Variants in SPATA1 observed in about 807,000 individuals in gnomAD.
SPATA1 encodes the protein spermatogenesis-associated protein 1.
A neutral mutation model predicts 59.6 loss-of-function variants in SPATA1; 57 were observed. The ratio of observed to expected loss-of-function variants is 0.96; its 90% CI spans 0.77 to 1.19. SPATA1 has a LOEUF of 1.19. SPATA1 is among the 50% of genes most tolerant of loss of function. The pLI is 0.00. For missense variants in SPATA1, 448 were observed against 480.7 expected (o/e 0.93, Z 0.64); for synonymous variants, 147 against 163.9 (o/e 0.90, Z 0.79).
chr1:84,516,364 C>A lies in SPATA1; in HGVS notation c.5C>A (p.Ser2Ter). The change falls in exon 2 of 13, where the codon TCA becomes TAA. Residue 2 changes from serine (S) to a stop codon, truncating the protein, a stop_gained. Transcript: ENST00000490879. LOFTEE classifies it high-confidence loss of function. ...CCCATTCAGACATTAGTGAATATGT[C>A]ACTCAATCCAAGTCGACCTTCCTCA... The A allele has an allele frequency of 6.6e-7, 1 of 1,521,886 alleles. No individual in the cohort carries two copies. Among genetic ancestry groups the A allele is most frequent in the Non-Finnish European group, 8.8e-7 (1 of 1,140,988 alleles). 94.3% of individuals were successfully genotyped at this position (1,521,886 alleles called of 1,614,324 possible).
At chr1:84,556,710 CAAA>C (rs11417377), downstream of SPATA1, among the ~76,000 whole-genome samples, 4 of 93,484 alleles carry the variant, frequency 4.3e-5, no homozygotes, top group Admixed American at 1.2e-4. Context: ...GACTCCGTCT[CAAA>C]AAAAAAAAAA....
chr1:84,536,206 A>C (rs373291246), intron 8 of SPATA1, among the ~76,000 whole-genome samples: 7 of 152,232 alleles, frequency 4.6e-5, no homozygotes, highest in African/African-American at 1.7e-4. Flanking sequence ...ATATAACTTT[A>C]AATTGGCTCA....
intron 12 of SPATA1, chr1:84,551,543 ATTTAAT>A (rs1684273102): frequency 6.5e-6 from 1 of 154,710 alleles, no homozygotes; most frequent in Non-Finnish European, 1.4e-5. Context: ...TTTAAATTTT[ATTTAAT>A]TTTAGTTAAT....
intron 1 of SPATA1, among the ~76,000 whole-genome samples, chr1:84,507,782 A>G (rs1199196953): frequency 6.6e-6 from 1 of 152,098 alleles, no homozygotes; most frequent in African/African-American, 2.4e-5. Context: ...TTTAGGGAAT[A>G]TATGGTCCAA....
At chr1:84,537,157 C>G (rs757294278) in intron 8 of SPATA1, among the ~76,000 whole-genome samples, 21 of 151,956 alleles carry the variant, frequency 1.4e-4, no homozygotes, top group Admixed American at 5.9e-4. Context: ...AAATTACAGG[C>G]GTGAGCCACC....
chr1:84,553,970 A>G (rs1163363458), exon 13 of SPATA1: 1 of 152,174 alleles, frequency 6.6e-6, no homozygotes, highest in African/African-American at 2.4e-5. Context: ...CTAGTTGAGA[A>G]GCTAATCAGT....
Position 84,511,675 on chromosome 1 carries a change from C to CT in SPATA1, c.-137-4545dup, listed in dbSNP as rs1682560932. On this transcript the variant is annotated intron_variant, in intron 1 of 12. Coordinates refer to ENST00000490879, the Ensembl canonical transcript of SPATA1. ...TCAGGCTTTTTTTTTTTTTTTCTTT[C>CT]TTTCTTTTTTTTTTTTTTTTTTTGA... Among the ~76,000 whole-genome samples the CT allele has an allele frequency of 4.3e-3, 305 of 71,022 alleles. 16 individuals are homozygous for CT. The highest frequency in any genetic ancestry group is 0.02 in the Middle Eastern group (2 of 102). The allele number at this position is 71,022 out of a possible 152,430, so 46.6% of individuals were successfully genotyped here.
At chr1:84,518,237 T>C (rs1256947670) in intron 2 of SPATA1, among the ~76,000 whole-genome samples, 2 of 152,112 alleles carry the variant, frequency 1.3e-5, no homozygotes, top group East Asian at 1.9e-4. Flanking sequence ...ACCAAATGCA[T>C]TGTGTGATCC....
chr1:84,514,204 C>G (rs1205201801), intron 1 of SPATA1, among the ~76,000 whole-genome samples: 3 of 152,062 alleles, frequency 2.0e-5, no homozygotes, highest in Admixed American at 2.0e-4. Flanking sequence ...GCTCTTTTCC[C>G]AGGTCTAATC....
intron 8 of SPATA1, among the ~76,000 whole-genome samples, chr1:84,536,965 T>C (rs1683719324): frequency 6.6e-6 from 1 of 150,576 alleles, no homozygotes; most frequent in Admixed American, 6.6e-5. Flanking sequence ...CTGCAACCTC[T>C]GCCACCCAGG....
At chr1:84,545,653 A>G in exon 10 of SPATA1, 2 of 1,517,072 alleles carry the variant, frequency 1.3e-6, no homozygotes, top group Non-Finnish European at 1.8e-6. Flanking sequence ...TTATCAAACA[A>G]ATGAAACAAG....
Position 84,507,398 on chromosome 1 carries a change from G to A in SPATA1, c.-138+980G>A, listed in dbSNP as rs928772525. The A allele has an allele frequency of 1.3e-5, 2 of 152,190 alleles. 1 individual carries two copies. Among genetic ancestry groups the A allele is most frequent in the South Asian group, 4.1e-4 (2 of 4,828 alleles). The allele number at this position is 152,190 out of a possible 1,614,324, so 9.4% of individuals were successfully genotyped here. ...AATTCATACGGATGTAATGATTGGG[G>A]TTAAAACCAGGGTTTGAATTCTGGC... is the stretch of plus-strand genomic sequence containing the variant. On this transcript the variant is annotated intron_variant, in intron 1 of 12. Coordinates refer to ENST00000490879, the Ensembl canonical transcript of SPATA1.
At chr1:84,555,788 G>A (rs1230200195), downstream of SPATA1, 1 of 152,248 alleles carries the variant, frequency 6.6e-6, no homozygotes, top group Non-Finnish European at 1.5e-5. Context: ...TAATGCTAGG[G>A]CATATATTTG....
At chr1:84,548,066 G>C (rs543465859) in intron 10 of SPATA1, among the ~76,000 whole-genome samples, 1 of 152,236 alleles carries the variant, frequency 6.6e-6, no homozygotes, top group African/African-American at 2.4e-5. Flanking sequence ...CAGTAATACC[G>C]GTAGAAGTTG....
intron 9 of SPATA1, among the ~76,000 whole-genome samples, 186 bp from the exon 10 acceptor site, chr1:84,545,448 T>C (rs1157989211): frequency 6.6e-6 from 1 of 152,034 alleles, no homozygotes; most frequent in Non-Finnish European, 1.5e-5. Context: ...ATATCACTCT[T>C]GGAAACTGAA....
At chr1:84,512,534 T>G (rs1682614719) in intron 1 of SPATA1, among the ~76,000 whole-genome samples, 1 of 152,250 alleles carries the variant, frequency 6.6e-6, no homozygotes, top group Non-Finnish European at 1.5e-5. Context: ...AAATAAAAAT[T>G]ACGAGAATCC....
chr1:84,529,294 A>T (rs1683361697), intron 6 of SPATA1, among the ~76,000 whole-genome samples: 1 of 151,968 alleles, frequency 6.6e-6, no homozygotes, highest in Admixed American at 6.5e-5. Context: ...TCCAGTTTTT[A>T]AAAATTTTTA....
At chr1:84,520,790 AT>A in intron 3 of SPATA1, 99 bp downstream of exon 3, 2 of 806,308 alleles carry the variant, frequency 2.5e-6, no homozygotes, top group South Asian at 1.7e-5. Flanking sequence ...TAAGTGAAAA[AT>A]ATTTTGTCCA....
chr1:84,521,438 C>G (rs1254394138), intron 3 of SPATA1, among the ~76,000 whole-genome samples: 1 of 152,176 alleles, frequency 6.6e-6, no homozygotes, highest in Non-Finnish European at 1.5e-5. Flanking sequence ...ACATCAGCCT[C>G]CTTTCTGTTC....
Sources: allele counts gnomAD v4.1 joint callset (sites outside exome capture counted in the v4.1 genomes callset), GRCh38; gene constraint gnomAD v4.1.1; transcripts MANE v1.5; gene names NCBI Gene and HGNC (gene_info 2026-07-23, HGNC 2026-07-21).